The following ADAM22 variants were observed in gnomAD, a reference collection of about 807,000 sequenced individuals.
The protein encoded by ADAM22 is ADAM metallopeptidase domain 22, also known as disintegrin and metalloproteinase domain-containing protein 22.
In ADAM22, 65 loss-of-function variants were observed where a neutral mutation model predicts 144.6. That is an observed-to-expected ratio of 0.45 (90% CI 0.37 to 0.55). The LOEUF (loss-of-function observed/expected upper bound fraction) is 0.55, where lower values mean the gene tolerates loss of function less well. ADAM22 is among the 20% of genes least tolerant of loss of function. The pLI is 0.00. For synonymous variants in ADAM22, 391 were observed against 412.6 expected (o/e 0.95, Z 0.63); for missense variants, 974 against 1,184.9 (o/e 0.82, Z 2.61).
At position 87,958,764 on chromosome 7, in the gene ADAM22, G is replaced by A. The variant is rs184089002; in HGVS notation, c.247-19572G>A. On this transcript the variant is annotated intron_variant, in intron 2 of 31. Coordinates refer to ENST00000413139, the MANE Select transcript of ADAM22 (RefSeq NM_001324418.2). ...TTTCCATTTTCCTGATGACTGATGAGGTAGAGCACCTTTGGTGATCTGTAT... is the reference window on the plus strand; with the variant it reads ...TTTCCATTTTCCTGATGACTGATGAAGTAGAGCACCTTTGGTGATCTGTAT... Among the ~76,000 whole-genome samples, 3 of 152,192 alleles carry A rather than the reference G, an allele frequency of 2.0e-5. No individual in the cohort carries two copies. The East Asian group carries it at 5.8e-4, about 29-fold the overall frequency.
rs141185673 is a variant in ADAM22 at position 87,970,695 on chromosome 7, C to G, written c.247-7641C>G. On this transcript the variant is annotated intron_variant, in intron 2 of 31. Coordinates refer to ENST00000413139, the MANE Select transcript of ADAM22 (RefSeq NM_001324418.2). Reference sequence around the variant, plus strand: ...TCTAGAAGATATGAGGAGAAGAGGACAGGCTGCCACAAAGCAAAATGCATG... The same window carrying G: ...TCTAGAAGATATGAGGAGAAGAGGAGAGGCTGCCACAAAGCAAAATGCATG... Among the ~76,000 whole-genome samples the G allele has an allele frequency of 7.3e-3, 1,106 of 152,266 alleles. 11 individuals are homozygous for G. The highest frequency in any genetic ancestry group is 0.025 in the African/African-American group (1,059 of 41,556).
chr7:88,113,703 A>AATGTATATATATAT (rs1554478727), intron 5 of ADAM22, among the ~76,000 whole-genome samples: 1 of 48,106 alleles, frequency 2.1e-5, no homozygotes, highest in African/African-American at 8.0e-5. Flanking sequence ...TAAATAAATA[A>AATGTATATATATAT]ATATATATAT....
At chr7:88,080,686 A>C (rs1258800677) in intron 4 of ADAM22, among the ~76,000 whole-genome samples, 1 of 152,180 alleles carries the variant, frequency 6.6e-6, no homozygotes, top group East Asian at 1.9e-4. Context: ...ATCCCACAGA[A>C]ATACAAACTA....
chr7:88,033,456 A>C (rs140691358), intron 3 of ADAM22, among the ~76,000 whole-genome samples: 18 of 152,338 alleles, frequency 1.2e-4, no homozygotes, highest in Non-Finnish European at 2.6e-4. Flanking sequence ...ACAATCACCC[A>C]TGTGGCCACC....
chr7:88,107,218 T>C (rs1824650695), intron 4 of ADAM22, among the ~76,000 whole-genome samples: 1 of 146,442 alleles, frequency 6.8e-6, no homozygotes. Context: ...TTTTTTTTTT[T>C]TTTTTGAGAC....
intron 2 of ADAM22, among the ~76,000 whole-genome samples, chr7:87,942,752 T>G (rs1343396288): frequency 6.6e-6 from 1 of 152,216 alleles, no homozygotes; most frequent in African/African-American, 2.4e-5. Flanking sequence ...GTACACTCTC[T>G]GTTACACTCG....
chr7:88,149,372 G>A (rs993449597), intron 18 of ADAM22, among the ~76,000 whole-genome samples: 5 of 152,174 alleles, frequency 3.3e-5, no homozygotes, highest in Non-Finnish European at 7.3e-5. Flanking sequence ...CTCTTCAGCT[G>A]ATTGAACAAG....
Position 88,104,788 on chromosome 7 carries a change from G to T in ADAM22, c.391-3388G>T, listed in dbSNP as rs563836896. 8.6e-5 allele frequency among the ~76,000 whole-genome samples: 13 copies of T among 150,972 alleles called. No individual in the cohort carries two copies. In the East Asian group the frequency reaches 2.3e-3, roughly 27 times the overall value. ...ACCTCAAGATTTGAATTGTAGTAAT[G>T]CAAATTGAGATTTTTTTTTTCCCCT... is the stretch of plus-strand genomic sequence containing the variant. On this transcript the variant is annotated intron_variant, in intron 4 of 31. Transcript: ENST00000413139.
chr7:88,054,612 G>A (rs1422536240), intron 3 of ADAM22, among the ~76,000 whole-genome samples: 1 of 151,618 alleles, frequency 6.6e-6, no homozygotes, highest in South Asian at 2.1e-4. Context: ...GTGTGTGTGT[G>A]TGTGTGTGTG....
At chr7:88,186,203 G>A (rs571383103) in intron 29 of ADAM22, 1 of 216,352 alleles carries the variant, frequency 4.6e-6, no homozygotes, top group East Asian at 1.6e-4. Context: ...CCAAATGCCA[G>A]ATTGGAATTG....
chr7:87,959,263 T>C (rs1489697284), intron 2 of ADAM22, among the ~76,000 whole-genome samples: 7 of 152,152 alleles, frequency 4.6e-5, no homozygotes, highest in Non-Finnish European at 7.3e-5. Context: ...CAATACAATG[T>C]GAATAAGAAT....
At chr7:88,064,022 A>C (rs1810560354) in intron 3 of ADAM22, among the ~76,000 whole-genome samples, 1 of 152,208 alleles carries the variant, frequency 6.6e-6, no homozygotes, top group Non-Finnish European at 1.5e-5. Context: ...TGAGAAGCCA[A>C]GGGAATTCCC....
intron 2 of ADAM22, among the ~76,000 whole-genome samples, chr7:87,952,371 A>G (rs1016681095): frequency 3.3e-5 from 5 of 152,266 alleles, no homozygotes; most frequent in Non-Finnish European, 2.9e-5. Flanking sequence ...AATTTTGTCA[A>G]AGGCCTTTTC....
At chr7:88,179,983 G>A (rs906367845) in intron 27 of ADAM22, among the ~76,000 whole-genome samples, 5 of 151,954 alleles carry the variant, frequency 3.3e-5, no homozygotes, top group African/African-American at 1.2e-4. Context: ...GTTTATTGGA[G>A]GAAACATGAC....
In ADAM22 at chr7:88,063,165, A is replaced by G. The variant is rs181631516; in HGVS notation, c.324-12461A>G. On this transcript the variant is annotated intron_variant, in intron 3 of 31. Coordinates refer to ENST00000413139, the MANE Select transcript of ADAM22 (RefSeq NM_001324418.2). ...TTGTAAAACAACAATAGCAATAACAAGAACAAAAACACAGTATCTGTGAAG... is the reference window on the plus strand; with the variant it reads ...TTGTAAAACAACAATAGCAATAACAGGAACAAAAACACAGTATCTGTGAAG... 9.9e-4 allele frequency among the ~76,000 whole-genome samples: 151 copies of G among 152,364 alleles called. 1 individual carries two copies. The South Asian group carries it at 0.02, about 20-fold the overall frequency.
At position 88,029,008 on chromosome 7, in the gene ADAM22, TAGTC is replaced by T. The variant is rs1418244119; in HGVS notation, c.324-46614_324-46611del. ...TTTAATTTTATTTTTTGTGGATACA[TAGTC>T]AGTATATATATTTGTTGGGTATATG... On this transcript the variant is annotated intron_variant, in intron 3 of 31. Coordinates refer to ENST00000413139, the MANE Select transcript of ADAM22 (RefSeq NM_001324418.2). Among the ~76,000 whole-genome samples the T allele has an allele frequency of 7.9e-5, 12 of 152,104 alleles. No individual in the cohort carries two copies. The East Asian group carries it at 1.5e-3, about 19-fold the overall frequency.
chr7:88,063,238 A>G (rs1810360329), intron 3 of ADAM22, among the ~76,000 whole-genome samples: 1 of 152,234 alleles, frequency 6.6e-6, no homozygotes, highest in Non-Finnish European at 1.5e-5. Flanking sequence ...GTATTCAAAG[A>G]GATAACTACT....
intron 2 of ADAM22, among the ~76,000 whole-genome samples, chr7:87,960,437 A>G (rs1413823217): frequency 6.6e-6 from 1 of 151,706 alleles, no homozygotes; most frequent in Non-Finnish European, 1.5e-5. Context: ...TCTCATCTCC[A>G]TAAGGCCATT....
At position 87,982,699 on chromosome 7, in the gene ADAM22, A is replaced by ATATATATATATATATATATATAT. The variant is rs10527361; in HGVS notation, c.323+4287_323+4288insTATATATATATATATATATATAT. On this transcript the variant is annotated intron_variant, in intron 3 of 31. Coordinates refer to ENST00000413139, the MANE Select transcript of ADAM22 (RefSeq NM_001324418.2). ...TATATATATATATATATATATATAT[A>ATATATATATATATATATATATAT]ATTTTTTTTTTTGAGATACAGTTTT... Among the ~76,000 whole-genome samples the ATATATATATATATATATATATAT allele has an allele frequency of 1.5e-3, 93 of 62,834 alleles. 1 individual carries two copies. The highest frequency in any genetic ancestry group is 1.8e-3 in the Non-Finnish European group (61 of 34,032). The allele number at this position is 62,834 out of a possible 152,430, so 41.2% of individuals were successfully genotyped here. A position where few individuals can be genotyped will look rare whatever the true frequency, so the allele number is the denominator to read the frequency against.
Sources: gnomAD v4.1 joint callset for allele counts (sites outside exome capture counted in the v4.1 genomes callset) on GRCh38, gnomAD v4.1.1 for gene constraint, MANE v1.5 for transcripts, NCBI Gene and HGNC (gene_info 2026-07-23, HGNC 2026-07-21) for gene names.